GARNL3: variants seen among roughly 807,000 people sequenced by gnomAD.
GARNL3 encodes GTPase activating Rap/RanGAP domain like 3.
In GARNL3, 63 loss-of-function variants were observed where a neutral mutation model predicts 125.0. The observed-to-expected ratio is 0.50, with a 90% CI of 0.41 to 0.62. The LOEUF (loss-of-function observed/expected upper bound fraction) is 0.62, where lower values mean the gene tolerates loss of function less well. GARNL3 is among the 20% of genes least tolerant of loss of function. The pLI, the probability that GARNL3 is intolerant of heterozygous loss-of-function variation, is 0.00. For synonymous variants in GARNL3, 439 were observed against 457.5 expected, an observed-to-expected ratio of 0.96 and a Z score of 0.52; for missense variants, 994 against 1,244.0, an observed-to-expected ratio of 0.80 and a Z score of 3.02.
rs954984976 is a variant in GARNL3 at position 127,384,338 on chromosome 9, G to A, written c.2270-689G>A. Among the ~76,000 whole-genome samples the A allele has an allele frequency of 6.6e-6, 1 of 152,176 alleles. No homozygotes were observed. The highest frequency in any genetic ancestry group is 2.4e-5 in the African/African-American group (1 of 41,422). On this transcript the variant is annotated intron_variant, in intron 23 of 27. Transcript: ENST00000373387. The surrounding 1 kb of genome is among the most constrained non-coding windows in gnomAD (Gnocchi z 4.0). ...GCAGATGCGCTCATCCATGGAAAGA[G>A]TGCAGAGAGAGCCAGTGCGAAGAAG...
At chr9:127,284,617 G>T (rs1299941367) in intron 1 of GARNL3, among the ~76,000 whole-genome samples, 1 of 151,808 alleles carries the variant, frequency 6.6e-6, no homozygotes, top group Non-Finnish European at 1.5e-5. Flanking sequence ...GATAATAAAA[G>T]CATTGAAAAT....
chr9:127,373,103 A>G (rs1371584198), intron 22 of GARNL3, among the ~76,000 whole-genome samples: 1 of 152,256 alleles, frequency 6.6e-6, no homozygotes, highest in Non-Finnish European at 1.5e-5. Context: ...CTTAGAACAA[A>G]GAGAATGTAC....
At chr9:127,314,026 C>T (rs1178666267) in intron 4 of GARNL3, among the ~76,000 whole-genome samples, 1 of 152,144 alleles carries the variant, frequency 6.6e-6, no homozygotes, top group Non-Finnish European at 1.5e-5. Flanking sequence ...CCTCTGAACT[C>T]GTGACCACGG....
At chr9:127,267,666 A>G (rs2063733036) in intron 1 of GARNL3, among the ~76,000 whole-genome samples, 1 of 152,232 alleles carries the variant, frequency 6.6e-6, no homozygotes, top group African/African-American at 2.4e-5. Flanking sequence ...TTCTGACTGC[A>G]GTGTTTTAAG....
rs16929775 is a variant in GARNL3 at position 127,328,666 on chromosome 9, A to G, written c.594+3571A>G. On this transcript the variant is annotated intron_variant, in intron 7 of 27. Coordinates refer to ENST00000373387, the MANE Select transcript of GARNL3 (RefSeq NM_032293.5). ...AGTAACAAGGAACCAGGGGTGTCTC[A>G]TTTTGAATAAGGCCATCATTTCTCA... Among the ~76,000 whole-genome samples the G allele has an allele frequency of 8.8e-3, 1,334 of 152,236 alleles. 26 individuals carry two copies. Among genetic ancestry groups the G allele is most frequent in the African/African-American group, 0.03 (1,244 of 41,546 alleles).
At chr9:127,338,086 T>C in intron 11 of GARNL3, 30 bp from the exon 12 acceptor site, 3 of 1,555,492 alleles carry the variant, frequency 1.9e-6, no homozygotes, top group Non-Finnish European at 1.8e-6. Flanking sequence ...GCATCAGTGT[T>C]GTGATTAGTT....
intron 2 of GARNL3, among the ~76,000 whole-genome samples, chr9:127,297,223 C>T (rs376948997): frequency 2.6e-4 from 40 of 152,270 alleles, no homozygotes; most frequent in African/African-American, 7.9e-4. Context: ...AATGAAGCCT[C>T]GACCTCCATG....
intron 1 of GARNL3, among the ~76,000 whole-genome samples, chr9:127,237,325 T>TA (rs2131152549): frequency 6.6e-6 from 1 of 152,346 alleles, no homozygotes; most frequent in East Asian, 1.9e-4. Context: ...AGAACCATGA[T>TA]ACTCTTGTCA....
At chr9:127,355,249 TCCACACCCGCATGTCATGTGTAA>T (rs1269810439) in intron 19 of GARNL3, 25 bp from the exon 20 acceptor site, 1 of 1,556,726 alleles carries the variant, frequency 6.4e-7, no homozygotes, top group African/African-American at 1.4e-5. Flanking sequence ...TCTGGGGGCT[TCCACACCCGCATGTCATGTGTAA>T]GGCATCATTT....
At chr9:127,342,169 G>A (rs1346301393) in intron 13 of GARNL3, 50 bp from the exon 14 acceptor site, 2 of 1,048,698 alleles carry the variant, frequency 1.9e-6, no homozygotes, top group African/African-American at 3.1e-5. Context: ...ATTCTTGTGT[G>A]TGTGTCAAGA....
chr9:127,225,533 G>C, intron 1 of GARNL3: 1 of 281,156 alleles, frequency 3.6e-6, no homozygotes, highest in Non-Finnish European at 5.4e-6. Context: ...GACCGGGCGC[G>C]GAGCCCGGGC....
In GARNL3 at chr9:127,365,293, A is replaced by G. The variant is rs1160125572; in HGVS notation, c.2095-7A>G. On this transcript the variant is annotated splice_region_variant and splice_polypyrimidine_tract_variant and intron_variant, in intron 21 of 27. Coordinates refer to ENST00000373387, the MANE Select transcript of GARNL3 (RefSeq NM_032293.5). ...CTGCCCACTACCGTTGCCCGTTATCATTGCAGGTTAATTTTGTTGCAGCTA... is the reference window on the plus strand; with the variant it reads ...CTGCCCACTACCGTTGCCCGTTATCGTTGCAGGTTAATTTTGTTGCAGCTA... 2 of 1,612,852 alleles carry G rather than the reference A, an allele frequency of 1.2e-6. No individual in the cohort carries two copies. Among genetic ancestry groups the G allele is most frequent in the East Asian group, 2.2e-5 (1 of 44,886 alleles).
At chr9:127,325,318 T>G (rs1270611844) in intron 7 of GARNL3, among the ~76,000 whole-genome samples, 2 of 152,210 alleles carry the variant, frequency 1.3e-5, no homozygotes, top group Non-Finnish European at 2.9e-5. Flanking sequence ...ATCAAACTAC[T>G]TAAATCTGCT....
At chr9:127,292,068 C>T (rs1564886816) in intron 2 of GARNL3, among the ~76,000 whole-genome samples, 1 of 152,164 alleles carries the variant, frequency 6.6e-6, no homozygotes, top group Non-Finnish European at 1.5e-5. Context: ...ATTGTCATCA[C>T]TGCCACATTG....
At chr9:127,260,312 T>G (rs1474902209), upstream of GARNL3, among the ~76,000 whole-genome samples, 1 of 152,218 alleles carries the variant, frequency 6.6e-6, no homozygotes. Context: ...AAGCATTGTT[T>G]GTGGACCGCC....
intron 22 of GARNL3, among the ~76,000 whole-genome samples, chr9:127,371,673 T>G (rs1465820949): frequency 6.6e-6 from 1 of 152,264 alleles, no homozygotes; most frequent in Non-Finnish European, 1.5e-5. Context: ...TGTCATAGTT[T>G]TTGGTTTCAT....
At chr9:127,229,360 C>T (rs942476303) in intron 1 of GARNL3, among the ~76,000 whole-genome samples, 1 of 152,160 alleles carries the variant, frequency 6.6e-6, no homozygotes, top group Non-Finnish European at 1.5e-5. Context: ...GGCACTGGGC[C>T]TGTGGATGTT....
At chr9:127,234,183 C>A (rs2063070328) in intron 1 of GARNL3, among the ~76,000 whole-genome samples, 1 of 152,102 alleles carries the variant, frequency 6.6e-6, no homozygotes, top group African/African-American at 2.4e-5. Context: ...TATGTCTGTT[C>A]TCCTAAGAGC....
At chr9:127,260,036 G>T (rs1394960882), upstream of GARNL3, among the ~76,000 whole-genome samples, 1 of 152,144 alleles carries the variant, frequency 6.6e-6, no homozygotes, top group Non-Finnish European at 1.5e-5. Flanking sequence ...TTAGAACCTT[G>T]TCTGCTTTTT....
Sources: allele counts gnomAD v4.1 joint callset (sites outside exome capture counted in the v4.1 genomes callset), GRCh38; gene constraint gnomAD v4.1.1; non-coding constraint Gnocchi (gnomAD v3.1); transcripts MANE v1.5; gene names NCBI Gene and HGNC (gene_info 2026-07-23, HGNC 2026-07-21).